The following ST6GALNAC3 variants were observed in gnomAD, a reference collection of about 807,000 sequenced individuals.
The protein encoded by ST6GALNAC3 is ST6 N-acetylgalactosaminide alpha-2,6-sialyltransferase 3.
Under a neutral mutation model 32.7 loss-of-function variants are expected in ST6GALNAC3, and 25 were observed. The observed-to-expected ratio is 0.76, with a 90% CI of 0.56 to 1.07. The LOEUF (loss-of-function observed/expected upper bound fraction) is 1.07. Ranked by LOEUF, ST6GALNAC3 falls within the 50% of genes least tolerant of loss-of-function variation. The pLI is 0.00. For missense variants in ST6GALNAC3, 355 were observed against 382.4 expected, an observed-to-expected ratio of 0.93 and a Z score of 0.60; for synonymous variants, 129 against 133.1, an observed-to-expected ratio of 0.97 and a Z score of 0.21.
rs561110058 is a variant in ST6GALNAC3, at chr1:76,126,097, C to G, written c.18+51213C>G. On this transcript the variant is annotated intron_variant, in intron 1 of 4. Transcript: ENST00000328299. Reference sequence around the variant, plus strand: ...CCCAAGATAGTATAGGGCCTCATTTCTTTGCCTTGAAAGATGTTTTTAGAG... The same window carrying G: ...CCCAAGATAGTATAGGGCCTCATTTGTTTGCCTTGAAAGATGTTTTTAGAG... Among the ~76,000 whole-genome samples, 5 of 152,272 alleles carry G rather than the reference C, an allele frequency of 3.3e-5. No individual in the cohort carries two copies. In the East Asian group the frequency reaches 9.6e-4, roughly 29 times the overall value.
At chr1:76,275,065 G>A (rs1172171742) in intron 1 of ST6GALNAC3, among the ~76,000 whole-genome samples, 1 of 152,340 alleles carries the variant, frequency 6.6e-6, no homozygotes, top group East Asian at 1.9e-4. Flanking sequence ...TGTTTTCCAA[G>A]ATGTGTTAAG....
chr1:76,505,842 G>T lies in ST6GALNAC3; in HGVS notation c.623+93425G>T, dbSNP rs191862579. The stretch of plus-strand genomic sequence containing the variant: ...TTTTAAAATAGATGCATGGGGCAAC[G>T]TGTGCATGGGGAAAGTGGGTGCAGC... On this transcript the variant is annotated intron_variant, in intron 3 of 4. Transcript: ENST00000328299. Among the ~76,000 whole-genome samples the T allele has an allele frequency of 6.5e-3, 997 of 152,242 alleles. 17 individuals carry two copies. The highest frequency in any genetic ancestry group is 0.023 in the African/African-American group (967 of 41,542).
chr1:76,422,525 C>G (rs937164886), intron 3 of ST6GALNAC3, among the ~76,000 whole-genome samples: 1 of 151,904 alleles, frequency 6.6e-6, no homozygotes, highest in African/African-American at 2.4e-5. Context: ...ATGTCTCATT[C>G]TTATTTGGAT....
intron 1 of ST6GALNAC3, among the ~76,000 whole-genome samples, chr1:76,165,909 T>C (rs976116178): frequency 2.6e-5 from 4 of 152,222 alleles, no homozygotes; most frequent in African/African-American, 9.6e-5. Flanking sequence ...TGCTAGATAT[T>C]AGACCTTTGT....
At chr1:76,151,994 A>C (rs2100333665) in intron 1 of ST6GALNAC3, among the ~76,000 whole-genome samples, 1 of 152,196 alleles carries the variant, frequency 6.6e-6, no homozygotes, top group African/African-American at 2.4e-5. Context: ...CAGAAATTTA[A>C]ATTTGTGATG....
chr1:76,412,215 G>T lies in ST6GALNAC3; in HGVS notation c.421G>T (p.Asp141Tyr), dbSNP rs376599589. ...TSVPLLLKNPDYFFKEANTTI... is the reference protein window; with the variant it reads ...TSVPLLLKNPYYFFKEANTTI... ...CGTTCCTCTTTTGCTAAAAAACCCT[G>T]ATTATTTTTTCAAGGAAGCGAATAC... The change falls in exon 3 of 5, where the codon GAT (aspartate) becomes TAT (tyrosine). Residue 141 changes from aspartate (D) to tyrosine (Y), a missense_variant. By Grantham distance (160) the Asp-to-Tyr change is radical. Coordinates refer to ENST00000328299, the MANE Select transcript of ST6GALNAC3 (RefSeq NM_152996.4). 1 of 1,613,700 alleles carries T rather than the reference G, an allele frequency of 6.2e-7. No individual in the cohort carries two copies. The highest frequency in any genetic ancestry group is 8.5e-7 in the Non-Finnish European group (1 of 1,179,812).
intron 1 of ST6GALNAC3, among the ~76,000 whole-genome samples, chr1:76,221,486 A>G (rs1275042886): frequency 1.3e-5 from 2 of 152,136 alleles, no homozygotes; most frequent in African/African-American, 4.8e-5. Flanking sequence ...CGTGGAAAAT[A>G]ACTGTGGCTC....
chr1:76,390,433 C>A (rs529806721), intron 2 of ST6GALNAC3, among the ~76,000 whole-genome samples: 1 of 152,310 alleles, frequency 6.6e-6, no homozygotes, highest in Non-Finnish European at 1.5e-5. Flanking sequence ...TATTAACTAC[C>A]AAACTCCTGT....
At chr1:76,362,515 A>G (rs1020497378) in intron 2 of ST6GALNAC3, among the ~76,000 whole-genome samples, 20 of 152,310 alleles carry the variant, frequency 1.3e-4, no homozygotes, top group Admixed American at 9.2e-4. Flanking sequence ...TCCGAAGTCC[A>G]AAGTCTCATC....
intron 3 of ST6GALNAC3, among the ~76,000 whole-genome samples, chr1:76,442,965 ACT>A (rs1248680157): frequency 2.6e-5 from 4 of 151,784 alleles, no homozygotes; most frequent in Non-Finnish European, 5.9e-5. Flanking sequence ...TTTACTTTTC[ACT>A]CTTTAAATTA....
intron 3 of ST6GALNAC3, among the ~76,000 whole-genome samples, chr1:76,556,139 TG>T (rs1281360476): frequency 6.6e-6 from 1 of 152,176 alleles, no homozygotes; most frequent in Non-Finnish European, 1.5e-5. Context: ...CGTGGCCTTT[TG>T]TGTCCAGCTT....
At chr1:76,430,998 C>A (rs1214691759) in intron 3 of ST6GALNAC3, among the ~76,000 whole-genome samples, 1 of 152,042 alleles carries the variant, frequency 6.6e-6, no homozygotes, top group Non-Finnish European at 1.5e-5. Context: ...ACTCAAAGAC[C>A]TTTTTGGGAA....
At chr1:76,568,088 G>A (rs539146554) in intron 3 of ST6GALNAC3, among the ~76,000 whole-genome samples, 33 of 152,240 alleles carry the variant, frequency 2.2e-4, no homozygotes, top group East Asian at 3.9e-4. Flanking sequence ...TATTCCCAGC[G>A]CCTAGCAGAA....
intron 1 of ST6GALNAC3, among the ~76,000 whole-genome samples, chr1:76,080,142 T>C (rs1328244019): frequency 6.6e-6 from 1 of 152,182 alleles, no homozygotes; most frequent in Non-Finnish European, 1.5e-5. Context: ...CACCTCATGG[T>C]ATGGGAGTAT....
chr1:76,563,919 A>G (rs956346348), intron 3 of ST6GALNAC3, among the ~76,000 whole-genome samples: 2 of 152,196 alleles, frequency 1.3e-5, no homozygotes, highest in Non-Finnish European at 2.9e-5. Flanking sequence ...GAGATTAGTT[A>G]TCATTTCCCC....
At chr1:76,595,224 G>A (rs1033350389) in intron 3 of ST6GALNAC3, among the ~76,000 whole-genome samples, 1 of 152,032 alleles carries the variant, frequency 6.6e-6, no homozygotes, top group Non-Finnish European at 1.5e-5. Flanking sequence ...ACAATCTGTG[G>A]GTAATTAACA....
chr1:76,414,235 G>A (rs903128829), intron 3 of ST6GALNAC3, among the ~76,000 whole-genome samples: 4 of 152,038 alleles, frequency 2.6e-5, no homozygotes, highest in Non-Finnish European at 5.9e-5. Flanking sequence ...GGTATCATTC[G>A]ATTGGTAGAG....
At chr1:76,481,030 A>G (rs1174133437) in intron 3 of ST6GALNAC3, among the ~76,000 whole-genome samples, 4 of 152,130 alleles carry the variant, frequency 2.6e-5, no homozygotes, top group African/African-American at 4.8e-5. Flanking sequence ...CTGACCTTGC[A>G]TCATCATACA....
intron 3 of ST6GALNAC3, among the ~76,000 whole-genome samples, chr1:76,544,882 T>A (rs893040864): frequency 6.6e-6 from 1 of 152,200 alleles, no homozygotes; most frequent in Non-Finnish European, 1.5e-5. Flanking sequence ...CTTCAGAGCA[T>A]CTTTCCATGA....
Sources: gnomAD v4.1 joint callset for allele counts (sites outside exome capture counted in the v4.1 genomes callset) on GRCh38, gnomAD v4.1.1 for gene constraint, MANE v1.5 for transcripts, NCBI Gene and HGNC (gene_info 2026-07-23, HGNC 2026-07-21) for gene names.